Variants in PIWIL2 observed in about 807,000 individuals in gnomAD.
PIWIL2 encodes piwi like RNA-mediated gene silencing 2.
PIWIL2 carries 81 observed loss-of-function variants against 116.5 expected under a neutral mutation model. That is an observed-to-expected ratio of 0.70 (90% CI 0.58 to 0.84). The LOEUF (loss-of-function observed/expected upper bound fraction) is 0.84, where lower values mean the gene tolerates loss of function less well. Among genes scored for constraint, PIWIL2 ranks in the 40% least tolerant of loss-of-function variants. PIWIL2 has a pLI of 0.00. For synonymous variants in PIWIL2, 489 were observed against 429.5 expected, an observed-to-expected ratio of 1.14 and a Z score of -1.71; for missense variants, 1,272 against 1,212.3, an observed-to-expected ratio of 1.05 and a Z score of -0.73.
At chr8:22,335,947 A>G (rs1217944093) in intron 20 of PIWIL2, among the ~76,000 whole-genome samples, 2 of 152,238 alleles carry the variant, frequency 1.3e-5, no homozygotes, top group African/African-American at 4.8e-5. Context: ...CATGAGAAAG[A>G]CATAACAATT....
chr8:22,318,101 C>A, intron 19 of PIWIL2, 69 bp from the exon 20 acceptor site: 1 of 939,990 alleles, frequency 1.1e-6, no homozygotes, highest in African/African-American at 1.6e-5. Flanking sequence ...CTGACATAAG[C>A]CATAGGCTGT....
In PIWIL2 at chr8:22,283,003, A is replaced by G. The variant is rs369692519; in HGVS notation, c.426-31A>G. ...GGATGGGACATAGCTATTATAAAAA[A>G]CCCTGATTTGCCTCTCTCTCCACAT... is the stretch of plus-strand genomic sequence containing the variant. On this transcript the variant is annotated intron_variant, in intron 4 of 22. Coordinates refer to ENST00000356766, the MANE Select transcript of PIWIL2 (RefSeq NM_018068.5). The G allele has an allele frequency of 8.4e-6, 13 of 1,552,482 alleles. No individual in the cohort carries two copies. The African/African-American group carries it at 1.8e-4, about 21-fold the overall frequency.
At position 22,283,234 on chromosome 8, in the gene PIWIL2, A is replaced by G. The variant is rs200258393; in HGVS notation, c.626A>G (p.Lys209Arg). Residue 209 changes from lysine (K) to arginine (R), a missense_variant, in exon 5 of 23, where the codon AAG becomes AGG. By Grantham distance (26) the Lys-to-Arg change is conservative (BLOSUM62 2). Coordinates refer to ENST00000356766, the MANE Select transcript of PIWIL2 (RefSeq NM_018068.5). Reference protein sequence around the residue: ...DRPLVLTVEHKEKELIVKQGS... With the variant: ...DRPLVLTVEHREKELIVKQGS... ...CCTCTGGTCCTGACTGTGGAACACA[A>G]GGAAAAGTAAGTCAGGAGCACTGCC... 1.2e-5 allele frequency: 19 copies of G among 1,612,070 alleles called. No homozygotes were observed. The African/African-American group carries it at 2.4e-4, about 20-fold the overall frequency.
At chr8:22,308,097 T>A in intron 14 of PIWIL2, 24 bp downstream of exon 14, 2 of 1,602,950 alleles carry the variant, frequency 1.2e-6, no homozygotes, top group Non-Finnish European at 1.7e-6. Context: ...CGTGATGGTG[T>A]ATGCACATGT....
intron 20 of PIWIL2, among the ~76,000 whole-genome samples, chr8:22,337,765 T>C (rs1187824623): frequency 6.6e-6 from 1 of 151,180 alleles, no homozygotes; most frequent in African/African-American, 2.4e-5. Context: ...ATAATAATAC[T>C]AGACATACTG....
At chr8:22,312,779 T>G (rs927376652) in intron 16 of PIWIL2, among the ~76,000 whole-genome samples, 1 of 152,016 alleles carries the variant, frequency 6.6e-6, no homozygotes, top group African/African-American at 2.4e-5. Context: ...TAGCTGTAAC[T>G]GTACACGTGC....
intron 20 of PIWIL2, among the ~76,000 whole-genome samples, chr8:22,327,528 C>T (rs949015374): frequency 2.0e-4 from 30 of 149,868 alleles, no homozygotes; most frequent in African/African-American, 7.4e-4. Flanking sequence ...CCACCACGCC[C>T]AGCTAATTTT....
chr8:22,294,900 G>GAAA (rs57742067), intron 10 of PIWIL2, among the ~76,000 whole-genome samples: 53 of 93,638 alleles, frequency 5.7e-4, no homozygotes, highest in South Asian at 1.4e-3. Context: ...ATCTTTACTG[G>GAAA]AAAAAAAAAA....
At chr8:22,354,219 C>G in intron 21 of PIWIL2, 52 bp from the exon 22 acceptor site, 1 of 1,192,506 alleles carries the variant, frequency 8.4e-7, no homozygotes, top group Non-Finnish European at 1.3e-6. Context: ...TCTTTGCCAG[C>G]TCTGTCTGGC....
At chr8:22,337,601 C>A (rs1832008949) in intron 20 of PIWIL2, among the ~76,000 whole-genome samples, 1 of 150,960 alleles carries the variant, frequency 6.6e-6, no homozygotes, top group Non-Finnish European at 1.5e-5. Flanking sequence ...CGTGGTGGTG[C>A]ATGCCTGTAA....
chr8:22,276,617 A>G, intron 1 of PIWIL2, among the ~76,000 whole-genome samples: 1 of 152,190 alleles, frequency 6.6e-6, no homozygotes, highest in Middle Eastern at 3.2e-3. Flanking sequence ...CCCGGCCAAG[A>G]CAGCTTTTTG....
chr8:22,324,610 A>G lies in PIWIL2; in HGVS notation c.2403+6335A>G, dbSNP rs138348319. Among the ~76,000 whole-genome samples the G allele has an allele frequency of 1.2e-3, 190 of 152,286 alleles. 1 individual carries two copies. The highest frequency in any genetic ancestry group is 4.4e-3 in the African/African-American group (183 of 41,560). On this transcript the variant is annotated intron_variant, in intron 20 of 22. Coordinates refer to ENST00000356766, the MANE Select transcript of PIWIL2 (RefSeq NM_018068.5). ...CAGGTCCTTAGGAACTCTAACATGA[A>G]GGTTTAAAAGTATAGTTCTTGCTTA...
In PIWIL2 at chr8:22,348,479, T is replaced by C. The variant is rs1586600135; in HGVS notation, c.2404-4480T>C. On this transcript the variant is annotated intron_variant, in intron 20 of 22. Coordinates refer to ENST00000356766, the MANE Select transcript of PIWIL2 (RefSeq NM_018068.5). ...CAGTGCTAAGGGATACTAAAATTAA[T>C]AAACACAGTGTTGCTTTCGAGAACA... 2.0e-5 allele frequency among the ~76,000 whole-genome samples: 3 copies of C among 152,336 alleles called. No individual in the cohort carries two copies. The South Asian group carries it at 6.2e-4, about 32-fold the overall frequency.
In PIWIL2 at chr8:22,287,454, C is replaced by G. The variant is rs1830654377; in HGVS notation, c.744-74C>G. On this transcript the variant is annotated intron_variant, in intron 6 of 22. Transcript: ENST00000356766. The stretch of plus-strand genomic sequence containing the variant: ...GGAGCAGCAGTTACTGGGTAACTAG[C>G]ACCTGTTGCACAGCTCTGGTAAAGA... 5.6e-5 allele frequency: 51 copies of G among 911,380 alleles called. No homozygotes were observed. In the South Asian group the frequency reaches 6.5e-4, roughly 12 times the overall value. The allele number at this position is 911,380 out of a possible 1,614,324, so 56.5% of individuals were successfully genotyped here. A position where few individuals can be genotyped will look rare whatever the true frequency, so the allele number is the denominator to read the frequency against.
At chr8:22,303,218 CTG>C (rs1037186635) in intron 10 of PIWIL2, among the ~76,000 whole-genome samples, 3 of 152,122 alleles carry the variant, frequency 2.0e-5, no homozygotes, top group Non-Finnish European at 4.4e-5. Flanking sequence ...TGTGAGGAAA[CTG>C]TATACACATA....
rs750794763 is a variant in PIWIL2 at position 22,281,206 on chromosome 8, A to G, written c.285A>G (p.Ser95=). ...CTCTGAAACGGGAAATGCTTCCATC[A>G]GGTATGTGGAAAACTAACTTGAGAA... is the stretch of plus-strand genomic sequence containing the variant. The part of the protein sequence containing the change: ...KTPLKREMLP[S]GRGILGRGLS... The change falls in exon 3 of 23, where the codon TCA becomes TCG. Residue 95 remains serine, a splice_region_variant and synonymous_variant. Coordinates refer to ENST00000356766, the MANE Select transcript of PIWIL2 (RefSeq NM_018068.5). The G allele has an allele frequency of 6.2e-6, 10 of 1,602,014 alleles. No homozygotes were observed. The African/African-American group carries it at 1.1e-4, about 17-fold the overall frequency.
At chr8:22,282,494 A>T (rs1830533287) in intron 4 of PIWIL2, among the ~76,000 whole-genome samples, 1 of 151,464 alleles carries the variant, frequency 6.6e-6, no homozygotes. Flanking sequence ...AGCCGTGGTG[A>T]TTCTTTAATA....
At chr8:22,303,986 A>G in intron 10 of PIWIL2, 35 bp from the exon 11 acceptor site, 1 of 1,426,600 alleles carries the variant, frequency 7.0e-7, no homozygotes, top group Non-Finnish European at 9.8e-7. Flanking sequence ...CTGGATATAT[A>G]CTGTGATCCA....
chr8:22,328,073 T>C (rs752054794), intron 20 of PIWIL2, among the ~76,000 whole-genome samples: 2 of 152,176 alleles, frequency 1.3e-5, no homozygotes, highest in African/African-American at 2.4e-5. Context: ...TCTAACAATG[T>C]TATACTTTTT....
Sources: gnomAD v4.1 joint callset for allele counts (sites outside exome capture counted in the v4.1 genomes callset) on GRCh38, gnomAD v4.1.1 for gene constraint, MANE v1.5 for transcripts, NCBI Gene and HGNC (gene_info 2026-07-23, HGNC 2026-07-21) for gene names.